TRERF1: variants seen among roughly 807,000 people sequenced by gnomAD.
TRERF1 encodes the protein transcriptional-regulating factor 1.
In TRERF1, 27 loss-of-function variants were observed where a neutral mutation model predicts 122.9. That is an observed-to-expected ratio of 0.22 (90% CI 0.16 to 0.30). The LOEUF is 0.30. Ranked by LOEUF, TRERF1 falls within the 10% of genes least tolerant of loss-of-function variation. The pLI is 1.00. For missense variants in TRERF1, 1,248 were observed against 1,560.3 expected (o/e 0.80, Z 3.37); for synonymous variants, 636 against 641.7 (o/e 0.99, Z 0.13).
At chr6:42,379,887 C>A (rs969197973) in intron 2 of TRERF1, among the ~76,000 whole-genome samples, 1 of 152,150 alleles carries the variant, frequency 6.6e-6, no homozygotes, top group African/African-American at 2.4e-5. Flanking sequence ...GTGAACAAAA[C>A]AGAACAAGTT....
intron 16 of TRERF1, 143 bp from the exon 17 acceptor site, chr6:42,233,071 G>A: frequency 4.7e-6 from 4 of 859,016 alleles, no homozygotes; most frequent in Non-Finnish European, 5.2e-6. Context: ...CACAACCACA[G>A]ATCCTGTGCC....
chr6:42,241,769 A>G (rs756095768), intron 15 of TRERF1, among the ~76,000 whole-genome samples: 1 of 152,136 alleles, frequency 6.6e-6, no homozygotes, highest in African/African-American at 2.4e-5. Flanking sequence ...GCCAAGTCCA[A>G]ATTTTTTATA....
chr6:42,407,766 A>G (rs901991547), intron 2 of TRERF1, among the ~76,000 whole-genome samples: 28 of 149,362 alleles, frequency 1.9e-4, no homozygotes, highest in Non-Finnish European at 1.0e-4. Context: ...TTTTACAGAG[A>G]AAAAAAAAAC....
At chr6:42,429,143 C>T (rs1453533702) in intron 2 of TRERF1, among the ~76,000 whole-genome samples, 1 of 152,244 alleles carries the variant, frequency 6.6e-6, no homozygotes, top group Non-Finnish European at 1.5e-5. Flanking sequence ...GAGGACCACA[C>T]TCCTAATTTC....
At chr6:42,325,311 T>A (rs1057029451) in intron 3 of TRERF1, among the ~76,000 whole-genome samples, 1 of 152,050 alleles carries the variant, frequency 6.6e-6, no homozygotes, top group Non-Finnish European at 1.5e-5. Flanking sequence ...TTGATGGGAG[T>A]GTAAATTAGT....
At chr6:42,251,231 A>G (rs1179233602) in intron 13 of TRERF1, among the ~76,000 whole-genome samples, 1 of 152,004 alleles carries the variant, frequency 6.6e-6, no homozygotes, top group African/African-American at 2.4e-5. Flanking sequence ...CCTGAGCTTA[A>G]GCGATCTGCC....
Position 42,268,792 on chromosome 6 carries a change from G to T in TRERF1, c.799C>A (p.His267Asn). Residue 267 changes from histidine to asparagine, a missense_variant, in exon 5 of 18, where the codon CAC (histidine) becomes AAC (asparagine). Coordinates refer to ENST00000372922, the Ensembl canonical transcript of TRERF1. The surrounding 1 kb of genome is among the most constrained non-coding windows in gnomAD (Gnocchi z 4.4). ...TGTTGCTGCGGTGGGTAATACTGGT[G>T]CTGCTGCATCTGTTGCATGTGCTGT... 6.2e-7 allele frequency: 1 copy of T among 1,614,170 alleles called. No individual in the cohort carries two copies.
At chr6:42,318,027 G>A (rs1256180251) in intron 3 of TRERF1, among the ~76,000 whole-genome samples, 11 of 151,876 alleles carry the variant, frequency 7.2e-5, no homozygotes, top group Admixed American at 3.3e-4. Flanking sequence ...GGTGGCAGGC[G>A]CCTGTAATCC....
rs376851871 is a variant in TRERF1 at position 42,390,144 on chromosome 6, T to C, written c.-453-27065A>G. On this transcript the variant is annotated intron_variant, in intron 2 of 17. Coordinates refer to ENST00000372922, the Ensembl canonical transcript of TRERF1. ...AAAGTGTCGGGGGAGAATTCTACTT[T>C]CCCCACGTCTTCGAGTACAAGAGCT... is the stretch of plus-strand genomic sequence containing the variant. Among the ~76,000 whole-genome samples the C allele has an allele frequency of 1.1e-4, 17 of 152,306 alleles. 1 individual carries two copies. The East Asian group carries it at 3.3e-3, about 29-fold the overall frequency.
At chr6:42,409,425 A>G (rs1455729964) in intron 2 of TRERF1, among the ~76,000 whole-genome samples, 1 of 152,044 alleles carries the variant, frequency 6.6e-6, no homozygotes, top group Non-Finnish European at 1.5e-5. Context: ...CTCCTAAAAG[A>G]TTTTCAAAAC....
chr6:42,325,716 A>G lies in TRERF1; in HGVS notation c.-370-24967T>C, dbSNP rs188873881. ...CGGTGAAACCCTGCCTCTACAAAAA[A>G]ATACAAATATTAGCTGGGTGTGGTG... On this transcript the variant is annotated intron_variant, in intron 3 of 17. Transcript: ENST00000372922. 8.8e-4 allele frequency among the ~76,000 whole-genome samples: 134 copies of G among 152,306 alleles called. 1 individual carries two copies. Among genetic ancestry groups the G allele is most frequent in the Middle Eastern group, 3.4e-3 (1 of 292 alleles).
At chr6:42,341,863 A>C (rs578227605) in intron 3 of TRERF1, among the ~76,000 whole-genome samples, 1 of 152,362 alleles carries the variant, frequency 6.6e-6, no homozygotes, top group South Asian at 2.1e-4. Context: ...CCTTTGTAAG[A>C]AGGATGGCAT....
chr6:42,286,256 A>G (rs2150092172), intron 4 of TRERF1, among the ~76,000 whole-genome samples: 1 of 147,382 alleles, frequency 6.8e-6, no homozygotes, highest in East Asian at 2.0e-4. Flanking sequence ...CTAAAACACC[A>G]AAAGCAATGA....
At chr6:42,431,328 A>G (rs150409331) in intron 2 of TRERF1, among the ~76,000 whole-genome samples, 3 of 152,294 alleles carry the variant, frequency 2.0e-5, no homozygotes, top group African/African-American at 7.2e-5. Context: ...AAAGATAAGA[A>G]TGGAAAATAG....
chr6:42,405,790 G>T, intron 2 of TRERF1, among the ~76,000 whole-genome samples: 1 of 140,138 alleles, frequency 7.1e-6, no homozygotes, highest in African/African-American at 2.9e-5. Context: ...GCCAGACCTT[G>T]TCTCAAAAAA....
rs1454333226 is a variant in TRERF1, at chr6:42,269,344, C to G, written c.247G>C (p.Gly83Arg). 1.9e-6 allele frequency: 3 copies of G among 1,614,176 alleles called. No individual in the cohort carries two copies. Among genetic ancestry groups the G allele is most frequent in the Admixed American group, 3.3e-5 (2 of 60,024 alleles). ...GGCCCTGCATGACTTCCCCACCCTC[C>G]CTGCCTCGAGGTATCCATTTGGCCA... Residue 83 changes from glycine (G) to arginine (R), a missense_variant, in exon 5 of 18, where the codon GGA becomes CGA. Gly to Arg is a moderately radical substitution (Grantham distance 125). Around this residue, in one of 5 missense-constraint regions of TRERF1, gnomAD observed 946 missense variants for 1,073.0 expected, o/e 0.88. Transcript: ENST00000372922. The surrounding 1 kb of genome is among the most constrained non-coding windows in gnomAD (Gnocchi z 4.9).
chr6:42,262,737 G>A (rs1582658013), intron 8 of TRERF1, among the ~76,000 whole-genome samples: 1 of 152,268 alleles, frequency 6.6e-6, no homozygotes, highest in Admixed American at 6.5e-5. Flanking sequence ...GCTCTCAGTG[G>A]AACTACTTTG....
chr6:42,328,506 C>T (rs1298287771), intron 3 of TRERF1, among the ~76,000 whole-genome samples: 1 of 152,142 alleles, frequency 6.6e-6, no homozygotes, highest in Non-Finnish European at 1.5e-5. Context: ...CCAGCCTCCA[C>T]CCTCAAGCAG....
intron 3 of TRERF1, among the ~76,000 whole-genome samples, chr6:42,323,300 A>T (rs1373316400): frequency 6.6e-6 from 1 of 151,430 alleles, no homozygotes; most frequent in Non-Finnish European, 1.5e-5. Context: ...CTGGGTTCAA[A>T]CGATTCTTCT....
Sources: allele counts gnomAD v4.1 joint callset (sites outside exome capture counted in the v4.1 genomes callset), GRCh38; gene constraint gnomAD v4.1.1; regional missense constraint gnomAD v4.1.1; non-coding constraint Gnocchi (gnomAD v3.1); transcripts MANE v1.5; gene names NCBI Gene and HGNC (gene_info 2026-07-23, HGNC 2026-07-21).